DTNA: variants seen among roughly 807,000 people sequenced by gnomAD.
DTNA encodes the protein dystrophin-related protein 3.
DTNA carries 43 observed loss-of-function variants against 100.7 expected under a neutral mutation model. The observed-to-expected ratio is 0.43, with a 90% confidence interval of 0.33 to 0.55. The LOEUF (loss-of-function observed/expected upper bound fraction) is 0.55, where lower values mean the gene tolerates loss of function less well. Ranked by LOEUF, DTNA falls within the 20% of genes least tolerant of loss-of-function variation. The pLI, the probability that DTNA is intolerant of heterozygous loss-of-function variation, is 0.04. For synonymous variants in DTNA, 349 were observed against 347.9 expected (o/e 1.00, Z -0.04); for missense variants, 798 against 953.9 (o/e 0.84, Z 2.15).
At chr18:34,719,497 TC>T (rs1423181096) in intron 1 of DTNA, among the ~76,000 whole-genome samples, 7 of 152,148 alleles carry the variant, frequency 4.6e-5, no homozygotes, top group African/African-American at 1.7e-4. Flanking sequence ...ATACAGTTAA[TC>T]AGAGAGAGCT....
At chr18:34,768,031 C>T (rs1252658469) in intron 3 of DTNA, among the ~76,000 whole-genome samples, 1 of 152,162 alleles carries the variant, frequency 6.6e-6, no homozygotes, top group Non-Finnish European at 1.5e-5. Context: ...AATGTTCCCA[C>T]AGAAGAAGTT....
At chr18:34,666,985 T>G (rs2076024922) in intron 1 of DTNA, among the ~76,000 whole-genome samples, 1 of 152,190 alleles carries the variant, frequency 6.6e-6, no homozygotes, top group African/African-American at 2.4e-5. Context: ...TTGATGGGGA[T>G]GGCATTGAAT....
intron 1 of DTNA, among the ~76,000 whole-genome samples, chr18:34,553,252 T>G (rs548042378): frequency 2.6e-5 from 4 of 152,046 alleles, no homozygotes; most frequent in Non-Finnish European, 4.4e-5. Flanking sequence ...TAAATTTGTT[T>G]GAGTTCATTC....
chr18:34,502,463 G>A (rs1218353393), intron 1 of DTNA, among the ~76,000 whole-genome samples: 3 of 151,960 alleles, frequency 2.0e-5, no homozygotes, highest in Non-Finnish European at 4.4e-5. Context: ...ATTGGTTTGA[G>A]ATTTTTCCTC....
Position 34,787,191 on chromosome 18 carries a change from G to A in DTNA, c.149-6846G>A, listed in dbSNP as rs192933543. Among the ~76,000 whole-genome samples the A allele has an allele frequency of 1.2e-3, 187 of 152,200 alleles. 1 individual carries two copies. The highest frequency in any genetic ancestry group is 4.4e-3 in the African/African-American group (182 of 41,488). ...GGATCACTATTCCATAATGACTAAA[G>A]CTAAGTCACTATAATTGTCTACTGA... On this transcript the variant is annotated intron_variant, in intron 3 of 22. Coordinates refer to ENST00000444659, the MANE Select transcript of DTNA (RefSeq NM_001386795.1).
chr18:34,570,845 G>A (rs1365622721), intron 1 of DTNA, among the ~76,000 whole-genome samples: 2 of 152,148 alleles, frequency 1.3e-5, no homozygotes, highest in Non-Finnish European at 2.9e-5. Context: ...GCTACATGGG[G>A]ATACCAGGTT....
intron 1 of DTNA, among the ~76,000 whole-genome samples, chr18:34,699,159 GCA>G (rs150179542): frequency 0.044 from 6,504 of 149,392 alleles, 463 homozygotes; most frequent in African/African-American, 0.15. Flanking sequence ...ACTCACATGT[GCA>G]CACACACACA....
chr18:34,708,838 C>T (rs2082432804), upstream of DTNA, among the ~76,000 whole-genome samples: 1 of 152,192 alleles, frequency 6.6e-6, no homozygotes, highest in Non-Finnish European at 1.5e-5. Context: ...CTTGGTGCTT[C>T]CCTTGGACTA....
chr18:34,813,508 C>G (rs1277675923), intron 6 of DTNA, among the ~76,000 whole-genome samples: 2 of 151,186 alleles, frequency 1.3e-5, no homozygotes, highest in Non-Finnish European at 2.9e-5. Context: ...CACTACACAG[C>G]TTTATGGATT....
chr18:34,771,227 T>C (rs1362283651), intron 3 of DTNA, among the ~76,000 whole-genome samples: 1 of 152,156 alleles, frequency 6.6e-6, no homozygotes, highest in Non-Finnish European at 1.5e-5. Flanking sequence ...AGTCCAGGCG[T>C]GGTGGCTCAC....
intron 2 of DTNA, among the ~76,000 whole-genome samples, chr18:34,761,359 AC>A (rs2093158421): frequency 6.6e-6 from 1 of 152,196 alleles, no homozygotes; most frequent in African/African-American, 2.4e-5. Context: ...GGCAAAACAT[AC>A]AAAAATTGTG....
chr18:34,556,504 G>A (rs908297377), intron 1 of DTNA, among the ~76,000 whole-genome samples: 1 of 151,824 alleles, frequency 6.6e-6, no homozygotes, highest in African/African-American at 2.4e-5. Context: ...TGCAGCGGCT[G>A]GTACCGGTTG....
intron 1 of DTNA, among the ~76,000 whole-genome samples, chr18:34,536,754 GTTAAA>G (rs987899524): frequency 4.6e-5 from 7 of 151,758 alleles, no homozygotes; most frequent in South Asian, 2.1e-4. Flanking sequence ...CTACCCATGT[GTTAAA>G]TTAAATAAAT....
chr18:34,835,112 A>C (rs749425769), intron 11 of DTNA, among the ~76,000 whole-genome samples: 2 of 152,184 alleles, frequency 1.3e-5, no homozygotes, highest in African/African-American at 4.8e-5. Context: ...TCCTCTGTAC[A>C]TAGTCATATT....
At chr18:34,885,614 C>G (rs2096914603) in intron 22 of DTNA, among the ~76,000 whole-genome samples, 1 of 152,156 alleles carries the variant, frequency 6.6e-6, no homozygotes, top group South Asian at 2.1e-4. Flanking sequence ...GCATAATAGC[C>G]TCATAGAAGA....
At chr18:34,851,619 CT>C (rs1377464194) in intron 14 of DTNA, among the ~76,000 whole-genome samples, 6 of 152,182 alleles carry the variant, frequency 3.9e-5, no homozygotes, top group African/African-American at 1.4e-4. Context: ...CCAGAGAATT[CT>C]GTTCTGCCTT....
At chr18:34,707,664 G>C (rs1233899325), upstream of DTNA, among the ~76,000 whole-genome samples, 1 of 152,096 alleles carries the variant, frequency 6.6e-6, no homozygotes, top group Non-Finnish European at 1.5e-5. Flanking sequence ...AAATGTACAA[G>C]GTAAACACTC....
At chr18:34,528,383 C>T (rs1340683010) in intron 1 of DTNA, among the ~76,000 whole-genome samples, 1 of 152,002 alleles carries the variant, frequency 6.6e-6, no homozygotes, top group Non-Finnish European at 1.5e-5. Flanking sequence ...CCTATTAGCT[C>T]ATGCAAGAGG....
At chr18:34,671,085 C>A (rs1478033498) in intron 1 of DTNA, among the ~76,000 whole-genome samples, 1 of 152,144 alleles carries the variant, frequency 6.6e-6, no homozygotes, top group Non-Finnish European at 1.5e-5. Context: ...TCAAGCTTCC[C>A]AGCTGCAGCT....
Sources: gnomAD v4.1 joint callset for allele counts (sites outside exome capture counted in the v4.1 genomes callset) on GRCh38, gnomAD v4.1.1 for gene constraint, MANE v1.5 for transcripts, NCBI Gene and HGNC (gene_info 2026-07-23, HGNC 2026-07-21) for gene names.